ANK2: variants seen among roughly 807,000 people sequenced by gnomAD.
The protein encoded by ANK2 is ankyrin-2.
Under a neutral mutation model 360.5 loss-of-function variants are expected in ANK2, and 83 were observed. That is an observed-to-expected ratio of 0.23 (90% CI 0.19 to 0.28). The LOEUF (loss-of-function observed/expected upper bound fraction) is 0.28. Among genes scored for constraint, ANK2 ranks in the 10% least tolerant of loss-of-function variants. The pLI is 1.00. For missense variants in ANK2, 4,201 were observed against 4,795.7 expected (o/e 0.88, Z 3.66); for synonymous variants, 1,740 against 1,759.5 (o/e 0.99, Z 0.28).
chr4:113,057,043 C>T (rs1376528461), intron 1 of ANK2, among the ~76,000 whole-genome samples: 1 of 152,138 alleles, frequency 6.6e-6, no homozygotes, highest in East Asian at 1.9e-4. Context: ...TCCCCCAATT[C>T]AACAATTGGT....
intron 2 of ANK2, among the ~76,000 whole-genome samples, chr4:113,036,326 A>G (rs1025497415): frequency 1.3e-5 from 2 of 151,916 alleles, no homozygotes; most frequent in African/African-American, 4.8e-5. Flanking sequence ...CAAAAAGAAA[A>G]TTATCTAGGA....
rs2153688899 is a variant in ANK2, at chr4:113,274,597, A to G, written c.1631A>G (p.Asp544Gly). 6.2e-7 allele frequency: 1 copy of G among 1,614,204 alleles called. No homozygotes were observed. Among genetic ancestry groups the G allele is most frequent in the South Asian group, 1.1e-5 (1 of 91,080 alleles). Residue 544 changes from aspartate (D) to glycine (G), a missense_variant, in exon 15 of 46, where the codon GAT becomes GGT. This residue lies in a region of ANK2 where 1,268 missense variants were observed against 1,650.8 expected (regional missense o/e 0.77). Transcript: ENST00000357077. ...ATCTCTGCCCGGGAGGGCCAGGTGGATGTGGCATCAGTCCTATTGGAAGCA... is the reference window on the plus strand; with the variant it reads ...ATCTCTGCCCGGGAGGGCCAGGTGGGTGTGGCATCAGTCCTATTGGAAGCA... ...LHISAREGQV[D>G]VASVLLEAGA... is the part of the protein sequence containing the mutation.
chr4:112,758,447 G>C, the ANK2 span, among the ~76,000 whole-genome samples: 1 of 151,994 alleles, frequency 6.6e-6, no homozygotes. Flanking sequence ...GTCTCACTCT[G>C]TCGCCCAGGC....
chr4:112,738,173 G>A, the ANK2 span, among the ~76,000 whole-genome samples: 4 of 152,238 alleles, frequency 2.6e-5, no homozygotes, highest in Admixed American at 2.6e-4. Context: ...ACTTTGGGAG[G>A]CCGAGGCGGG....
At chr4:113,155,291 T>G (rs888367623) in intron 1 of ANK2, among the ~76,000 whole-genome samples, 2 of 152,172 alleles carry the variant, frequency 1.3e-5, no homozygotes. Flanking sequence ...TTCTATACAT[T>G]TTATATACTA....
At chr4:112,788,083 T>C in the ANK2 span, 1 of 1,512,750 alleles carries the variant, frequency 6.6e-7, no homozygotes, top group Non-Finnish European at 9.1e-7. Flanking sequence ...CAGTGCACAT[T>C]TAACCCAGTT....
chr4:113,111,835 T>C (rs1017212364), intron 1 of ANK2, among the ~76,000 whole-genome samples: 1 of 152,184 alleles, frequency 6.6e-6, no homozygotes. Context: ...TCTATCAAGA[T>C]GTGAATATTA....
At chr4:113,145,688 C>CT in intron 1 of ANK2, 2 of 1,141,916 alleles carry the variant, frequency 1.8e-6, no homozygotes, top group Non-Finnish European at 2.2e-6. Flanking sequence ...TTTGAGTTCT[C>CT]TCTGACACCA....
intron 45 of ANK2, among the ~76,000 whole-genome samples, chr4:113,379,006 T>C (rs1421764522): frequency 6.6e-6 from 1 of 152,186 alleles, no homozygotes; most frequent in Non-Finnish European, 1.5e-5. Flanking sequence ...ATTCAGAGTA[T>C]GCTACAGAAC....
intron 1 of ANK2, among the ~76,000 whole-genome samples, chr4:112,850,603 G>A (rs1341863229): frequency 1.6e-5 from 2 of 128,664 alleles, no homozygotes; most frequent in Non-Finnish European, 1.6e-5. Flanking sequence ...TGCAAGCTCC[G>A]CCTCCCAGAT....
rs1165297843 is a variant in ANK2, at chr4:113,366,192, C to T, written c.11032+1010C>T. On this transcript the variant is annotated intron_variant, in intron 41 of 45. Coordinates refer to ENST00000357077, the MANE Select transcript of ANK2 (RefSeq NM_001148.6). The stretch of plus-strand genomic sequence containing the variant: ...TCTGAATTTCCTGTCTCTACTTCCT[C>T]TCTTCCCATTCCCTCTAGAGCTCTA... Among the ~76,000 whole-genome samples, 4 of 152,228 alleles carry T rather than the reference C, an allele frequency of 2.6e-5. No homozygotes were observed. In the South Asian group the frequency reaches 6.2e-4, roughly 24 times the overall value.
At chr4:112,759,074 C>T in the ANK2 span, among the ~76,000 whole-genome samples, 1 of 152,072 alleles carries the variant, frequency 6.6e-6, no homozygotes, top group Non-Finnish European at 1.5e-5. Context: ...CCTAGTTTTT[C>T]TATTTTTGAT....
intron 18 of ANK2, among the ~76,000 whole-genome samples, chr4:113,283,087 C>G (rs29369): frequency 6.6e-6 from 1 of 152,280 alleles, no homozygotes; most frequent in African/African-American, 2.4e-5. Context: ...AACACTTTGG[C>G]TTCTTGACTT....
At chr4:112,975,441 T>C (rs1213368448) in intron 2 of ANK2, among the ~76,000 whole-genome samples, 3 of 152,200 alleles carry the variant, frequency 2.0e-5, no homozygotes, top group African/African-American at 7.2e-5. Flanking sequence ...AAATATTGGA[T>C]CCTAAAAAAC....
At chr4:112,881,266 C>T (rs1371461744) in intron 1 of ANK2, among the ~76,000 whole-genome samples, 1 of 152,024 alleles carries the variant, frequency 6.6e-6, no homozygotes. Context: ...GGTAAAACCC[C>T]GTCTCTACCA....
chr4:113,275,448 A>G (rs1158019746), intron 15 of ANK2, among the ~76,000 whole-genome samples: 1 of 152,218 alleles, frequency 6.6e-6, no homozygotes, highest in Non-Finnish European at 1.5e-5. Context: ...AGTGATTCAG[A>G]TTAATGAAAG....
At chr4:113,024,444 A>G (rs1003248362) in intron 2 of ANK2, among the ~76,000 whole-genome samples, 1 of 152,166 alleles carries the variant, frequency 6.6e-6, no homozygotes, top group Non-Finnish European at 1.5e-5. Context: ...TAAAGGATAC[A>G]AAAATTTTCC....
intron 1 of ANK2, among the ~76,000 whole-genome samples, chr4:113,134,224 T>C (rs1190632220): frequency 2.0e-5 from 3 of 151,664 alleles, no homozygotes; most frequent in South Asian, 2.1e-4. Context: ...ACTGGCTAGT[T>C]TGGAGTTAGT....
intron 2 of ANK2, among the ~76,000 whole-genome samples, chr4:113,001,860 A>G (rs911538808): frequency 1.3e-5 from 2 of 152,158 alleles, no homozygotes; most frequent in Admixed American, 1.3e-4. Context: ...CAGCCTCCAG[A>G]TGTGCATTTC....
Sources: allele counts gnomAD v4.1 joint callset (sites outside exome capture counted in the v4.1 genomes callset), GRCh38; gene constraint gnomAD v4.1.1; regional missense constraint gnomAD v4.1.1; transcripts MANE v1.5; gene names NCBI Gene and HGNC (gene_info 2026-07-23, HGNC 2026-07-21).